GNA14: variants seen among roughly 807,000 people sequenced by gnomAD.
The protein encoded by GNA14 is G protein subunit alpha 14.
A neutral mutation model predicts 42.0 loss-of-function variants in GNA14; 50 were observed. The ratio of observed to expected loss-of-function variants is 1.19; its 90% CI spans 0.95 to 1.51. The LOEUF is 1.51. Among genes scored for constraint, GNA14 ranks in the 40% most tolerant of loss-of-function variants. The pLI, the probability that GNA14 is intolerant of heterozygous loss-of-function variation, is 0.00. For missense variants in GNA14, 473 were observed against 446.2 expected (o/e 1.06, Z -0.54); for synonymous variants, 173 against 163.1 (o/e 1.06, Z -0.46).
At chr9:77,472,233 C>A (rs1836344964) in intron 2 of GNA14, among the ~76,000 whole-genome samples, 1 of 152,290 alleles carries the variant, frequency 6.6e-6, no homozygotes, top group Non-Finnish European at 1.5e-5. Flanking sequence ...AGCATATCAG[C>A]ACTTTCTTTG....
chr9:77,558,313 A>G (rs570570013), intron 1 of GNA14, among the ~76,000 whole-genome samples: 2 of 152,132 alleles, frequency 1.3e-5, no homozygotes, highest in African/African-American at 4.8e-5. Flanking sequence ...CAGACAGACA[A>G]ATAGATAAGC....
intron 4 of GNA14, among the ~76,000 whole-genome samples, chr9:77,429,587 A>G (rs1835510738): frequency 6.6e-6 from 1 of 152,208 alleles, no homozygotes; most frequent in Non-Finnish European, 1.5e-5. Context: ...TGTCTTTGGG[A>G]AAAATTTCAG....
At chr9:77,521,154 TTTG>T (rs1220083890) in intron 2 of GNA14, among the ~76,000 whole-genome samples, 1 of 152,132 alleles carries the variant, frequency 6.6e-6, no homozygotes, top group African/African-American at 2.4e-5. Flanking sequence ...GAATTTGTTG[TTTG>T]TTGTTGTTGT....
chr9:77,511,731 A>G (rs1027484519), intron 2 of GNA14, among the ~76,000 whole-genome samples: 2 of 151,930 alleles, frequency 1.3e-5, no homozygotes, highest in Admixed American at 6.6e-5. Context: ...CCCCACCTCC[A>G]TGTCTGCCTC....
chr9:77,569,164 T>A (rs1564055856), intron 1 of GNA14, among the ~76,000 whole-genome samples: 1 of 152,024 alleles, frequency 6.6e-6, no homozygotes, highest in Non-Finnish European at 1.5e-5. Flanking sequence ...TTTTTTTTTT[T>A]TAAATGGGGT....
At chr9:77,495,714 C>T (rs994320554) in intron 2 of GNA14, among the ~76,000 whole-genome samples, 1 of 152,186 alleles carries the variant, frequency 6.6e-6, no homozygotes, top group Admixed American at 6.5e-5. Flanking sequence ...GAATGCTCCA[C>T]GCCTTCAGGA....
intron 1 of GNA14, among the ~76,000 whole-genome samples, chr9:77,592,532 G>A (rs1484131794): frequency 6.6e-6 from 1 of 152,064 alleles, no homozygotes; most frequent in Non-Finnish European, 1.5e-5. Flanking sequence ...CGGGGTAGTG[G>A]CCACCCCTTT....
chr9:77,597,337 T>C (rs1469465513), intron 1 of GNA14, among the ~76,000 whole-genome samples: 1 of 152,078 alleles, frequency 6.6e-6, no homozygotes, highest in Non-Finnish European at 1.5e-5. Flanking sequence ...ACCCTTTTCG[T>C]CTCATAGCCT....
intron 2 of GNA14, among the ~76,000 whole-genome samples, chr9:77,482,260 C>T (rs567933472): frequency 0.072 from 10,987 of 152,110 alleles, 551 homozygotes; most frequent in Non-Finnish European, 0.11. Flanking sequence ...GACAAAATCT[C>T]TCAGCATTTG....
intron 2 of GNA14, among the ~76,000 whole-genome samples, chr9:77,458,366 T>C (rs934217820): frequency 6.6e-6 from 1 of 152,136 alleles, no homozygotes; most frequent in Admixed American, 6.5e-5. Flanking sequence ...ATGTTCTGTC[T>C]GGGTAGCAGT....
chr9:77,434,366 A>C lies in GNA14; in HGVS notation c.464+2T>G. The C allele has an allele frequency of 6.2e-7, 1 of 1,612,936 alleles. No individual in the cohort carries two copies. The highest frequency in any genetic ancestry group is 8.5e-7 in the Non-Finnish European group (1 of 1,179,650). ...GGCGGCCAGGGTGGGCTCTGTACTC[A>C]CTATTTGGCAGAGTCCGACAGCTGG... On this transcript the variant is annotated splice_donor_variant, in intron 3 of 6. Coordinates refer to ENST00000341700, the MANE Select transcript of GNA14 (RefSeq NM_004297.4). LOFTEE classifies it high-confidence loss of function.
chr9:77,569,198 G>A (rs949470207), intron 1 of GNA14, among the ~76,000 whole-genome samples: 4 of 151,220 alleles, frequency 2.6e-5, no homozygotes, highest in Admixed American at 6.6e-5. Context: ...TTCCCTCCCC[G>A]CAGAAGGTGT....
At chr9:77,608,730 C>CT (rs1346046522) in intron 1 of GNA14, among the ~76,000 whole-genome samples, 1 of 49,502 alleles carries the variant, frequency 2.0e-5, no homozygotes, top group Non-Finnish European at 4.9e-5. Flanking sequence ...GCCCAATATC[C>CT]TGTTTTTTTT....
chr9:77,432,018 A>C (rs1370103228), intron 3 of GNA14, among the ~76,000 whole-genome samples: 1 of 152,202 alleles, frequency 6.6e-6, no homozygotes, highest in African/African-American at 2.4e-5. Flanking sequence ...AAAATAACCC[A>C]AAACTTGCCT....
At chr9:77,464,822 G>A (rs1460953412) in intron 2 of GNA14, among the ~76,000 whole-genome samples, 1 of 152,220 alleles carries the variant, frequency 6.6e-6, no homozygotes, top group Admixed American at 6.5e-5. Context: ...AAGTTAAGAT[G>A]AGGTCACTTG....
chr9:77,612,010 AAAT>A (rs140286531), intron 1 of GNA14, among the ~76,000 whole-genome samples: 4,009 of 152,228 alleles, frequency 0.026, 150 homozygotes, highest in African/African-American at 0.079. Flanking sequence ...ACTAGACAGG[AAAT>A]AATAATATTG....
At chr9:77,631,273 G>A (rs1375189517) in intron 1 of GNA14, among the ~76,000 whole-genome samples, 2 of 151,932 alleles carry the variant, frequency 1.3e-5, no homozygotes, top group African/African-American at 4.8e-5. Flanking sequence ...TCCTTTTCAG[G>A]TCATCACTCA....
intron 2 of GNA14, among the ~76,000 whole-genome samples, chr9:77,496,672 G>A (rs1426894836): frequency 6.6e-6 from 1 of 152,218 alleles, no homozygotes; most frequent in Non-Finnish European, 1.5e-5. Context: ...TTTCAGCCAA[G>A]AGGGAGAATC....
chr9:77,514,716 C>T (rs1837223204), intron 2 of GNA14, among the ~76,000 whole-genome samples: 2 of 151,202 alleles, frequency 1.3e-5, no homozygotes, highest in Non-Finnish European at 2.9e-5. Context: ...CGGGTTCACG[C>T]CATTCTCCTG....
Sources: gnomAD v4.1 joint callset for allele counts (sites outside exome capture counted in the v4.1 genomes callset) on GRCh38, gnomAD v4.1.1 for gene constraint, MANE v1.5 for transcripts, NCBI Gene and HGNC (gene_info 2026-07-23, HGNC 2026-07-21) for gene names.